Variants in RAP1GDS1 observed in about 807,000 individuals in gnomAD.
The protein encoded by RAP1GDS1 is Rap1 GTPase-GDP dissociation stimulator 1.
Under a neutral mutation model 71.1 loss-of-function variants are expected in RAP1GDS1, and 35 were observed. The observed-to-expected ratio is 0.49, with a 90% CI of 0.38 to 0.65. The LOEUF is 0.65. Among genes scored for constraint, RAP1GDS1 ranks in the 30% least tolerant of loss-of-function variants. The probability of loss-of-function intolerance (pLI) is 0.00; values close to 1 mark genes in which losing one functional copy is unlikely to be tolerated. For missense variants in RAP1GDS1, 663 were observed against 706.1 expected (o/e 0.94, Z 0.69); for synonymous variants, 229 against 243.1 (o/e 0.94, Z 0.54).
At chr4:98,412,922 G>A (rs932209044) in intron 7 of RAP1GDS1, among the ~76,000 whole-genome samples, 2 of 152,092 alleles carry the variant, frequency 1.3e-5, no homozygotes, top group African/African-American at 4.8e-5. Flanking sequence ...CAAGGGCAAA[G>A]CAAAGATCAC....
chr4:98,263,634 A>C (rs1336301905), intron 1 of RAP1GDS1, among the ~76,000 whole-genome samples: 1 of 152,218 alleles, frequency 6.6e-6, no homozygotes, highest in African/African-American at 2.4e-5. Context: ...TGAGTCCCAG[A>C]AGATGAAAAG....
chr4:98,339,200 A>G (rs1021647876), intron 2 of RAP1GDS1, among the ~76,000 whole-genome samples: 8 of 152,074 alleles, frequency 5.3e-5, no homozygotes, highest in Non-Finnish European at 1.2e-4. Flanking sequence ...CCTCCTTGCT[A>G]CCAGGAGGTC....
chr4:98,291,304 G>T (rs145715248), intron 1 of RAP1GDS1, among the ~76,000 whole-genome samples: 159 of 152,246 alleles, frequency 1.0e-3, no homozygotes, highest in African/African-American at 3.6e-3. Flanking sequence ...ATATAGGAAA[G>T]AAATTGTTTT....
intron 6 of RAP1GDS1, among the ~76,000 whole-genome samples, chr4:98,398,962 G>A (rs1189274395): frequency 6.6e-6 from 1 of 152,142 alleles, no homozygotes; most frequent in Non-Finnish European, 1.5e-5. Context: ...CTTATGGATT[G>A]GAAGAGTTAA....
At chr4:98,288,741 G>T (rs914347144) in intron 1 of RAP1GDS1, among the ~76,000 whole-genome samples, 1 of 152,092 alleles carries the variant, frequency 6.6e-6, no homozygotes, top group African/African-American at 2.4e-5. Context: ...GTGTGAGATG[G>T]TATCTCATTG....
At chr4:98,386,284 G>T (rs182484534) in intron 5 of RAP1GDS1, among the ~76,000 whole-genome samples, 5 of 151,706 alleles carry the variant, frequency 3.3e-5, no homozygotes, top group African/African-American at 1.2e-4. Context: ...AACAGTAAAT[G>T]AATAAGTTTC....
intron 3 of RAP1GDS1, among the ~76,000 whole-genome samples, chr4:98,345,748 C>T (rs1451722129): frequency 6.6e-6 from 1 of 152,146 alleles, no homozygotes; most frequent in Non-Finnish European, 1.5e-5. Flanking sequence ...GGCTAAATAT[C>T]TTACCTGTCA....
rs73834488 is a variant in RAP1GDS1, at chr4:98,430,106, C to T, written c.1441-3830C>T. On this transcript the variant is annotated intron_variant, in intron 12 of 14. Coordinates refer to ENST00000408927, the MANE Select transcript of RAP1GDS1 (RefSeq NM_001100427.2). Reference sequence around the variant, plus strand: ...CTCATCTAACCTCCCACTTCTCGCCCATCCCCGAAAAGAAGAGTTCAAATA... The same window carrying T: ...CTCATCTAACCTCCCACTTCTCGCCTATCCCCGAAAAGAAGAGTTCAAATA... Among the ~76,000 whole-genome samples, 584 of 152,222 alleles carry T rather than the reference C, an allele frequency of 3.8e-3. 6 individuals carry two copies. Among genetic ancestry groups the T allele is most frequent in the African/African-American group, 0.013 (559 of 41,540 alleles).
At chr4:98,328,008 C>T (rs980365666) in intron 2 of RAP1GDS1, among the ~76,000 whole-genome samples, 1 of 152,138 alleles carries the variant, frequency 6.6e-6, no homozygotes, top group African/African-American at 2.4e-5. Flanking sequence ...ATGGCAATCC[C>T]AGTTTGCATA....
At chr4:98,288,593 T>C (rs1316793919) in intron 1 of RAP1GDS1, among the ~76,000 whole-genome samples, 2 of 152,210 alleles carry the variant, frequency 1.3e-5, no homozygotes, top group African/African-American at 4.8e-5. Context: ...TCTAGATCCC[T>C]GAGGAATCAC....
At chr4:98,342,705 T>G (rs1735666237) in intron 2 of RAP1GDS1, among the ~76,000 whole-genome samples, 1 of 151,988 alleles carries the variant, frequency 6.6e-6, no homozygotes, top group Non-Finnish European at 1.5e-5. Flanking sequence ...AGGAGGTGAG[T>G]TTTTTGCCTA....
In RAP1GDS1 at chr4:98,293,446, G is replaced by T. The variant is rs1281145620; in HGVS notation, c.43G>T (p.Ala15Ser). The T allele has an allele frequency of 5.0e-6, 8 of 1,608,058 alleles. No individual in the cohort carries two copies. Among genetic ancestry groups the T allele is most frequent in the African/African-American group, 1.3e-5 (1 of 74,578 alleles). ...SDTLKKLKIT[A>S]VDKTEDSLEG... ...TACCTTGAAGAAGCTGAAGATAACA[G>T]CTGTTGACAAGACTGAGGATAGTTT... The change falls in exon 2 of 15, where the codon GCT becomes TCT. Residue 15 changes from alanine to serine, a missense_variant. Transcript: ENST00000408927.
intron 2 of RAP1GDS1, among the ~76,000 whole-genome samples, chr4:98,302,708 A>G (rs1037089291): frequency 1.2e-4 from 18 of 152,184 alleles, no homozygotes; most frequent in African/African-American, 4.3e-4. Context: ...AAACAAATAC[A>G]GAGGAAAAAA....
At chr4:98,373,810 C>G (rs1481333912) in intron 4 of RAP1GDS1, among the ~76,000 whole-genome samples, 1 of 152,142 alleles carries the variant, frequency 6.6e-6, no homozygotes, top group Non-Finnish European at 1.5e-5. Flanking sequence ...ATGTCAGCAT[C>G]ACTGCTCTTA....
intron 2 of RAP1GDS1, among the ~76,000 whole-genome samples, chr4:98,339,945 A>G (rs1231553218): frequency 2.0e-5 from 3 of 151,678 alleles, no homozygotes; most frequent in Admixed American, 1.3e-4. Context: ...ATTCTACCCA[A>G]CAGTTGTATT....
At chr4:98,330,932 G>T (rs1012442566) in intron 2 of RAP1GDS1, among the ~76,000 whole-genome samples, 2 of 152,230 alleles carry the variant, frequency 1.3e-5, no homozygotes, top group Non-Finnish European at 2.9e-5. Context: ...AGCACTTTGG[G>T]AAGCCAAGGC....
At chr4:98,295,083 G>A (rs955884096) in intron 2 of RAP1GDS1, among the ~76,000 whole-genome samples, 1 of 152,006 alleles carries the variant, frequency 6.6e-6, no homozygotes, top group African/African-American at 2.4e-5. Context: ...ACAAAGAGAT[G>A]AAGTTGAAGG....
chr4:98,407,124 C>T (rs1746237609), intron 7 of RAP1GDS1, among the ~76,000 whole-genome samples: 1 of 152,068 alleles, frequency 6.6e-6, no homozygotes, highest in South Asian at 2.1e-4. Flanking sequence ...TTTCAACCCT[C>T]ACCTTCCAAT....
chr4:98,429,805 C>A (rs1750137848), intron 12 of RAP1GDS1, among the ~76,000 whole-genome samples: 1 of 151,888 alleles, frequency 6.6e-6, no homozygotes, highest in African/African-American at 2.4e-5. Context: ...CAGACATGAT[C>A]CTGGCATCTG....
Sources: gnomAD v4.1 joint callset for allele counts (sites outside exome capture counted in the v4.1 genomes callset) on GRCh38, gnomAD v4.1.1 for gene constraint, MANE v1.5 for transcripts, NCBI Gene and HGNC (gene_info 2026-07-23, HGNC 2026-07-21) for gene names.